Variants in LAMA3 observed in about 807,000 individuals in gnomAD.
LAMA3 encodes the protein laminin subunit alpha 3.
In LAMA3, 281 loss-of-function variants were observed where a neutral mutation model predicts 402.0. The ratio of observed to expected loss-of-function variants is 0.70; its 90% confidence interval spans 0.63 to 0.77. The LOEUF is 0.77. Ranked by LOEUF, LAMA3 falls within the 30% of genes least tolerant of loss-of-function variation. LAMA3 has a pLI of 0.00. For synonymous variants in LAMA3, 1,431 were observed against 1,558.4 expected, an observed-to-expected ratio of 0.92 and a Z score of 1.93; for missense variants, 3,840 against 4,215.5, an observed-to-expected ratio of 0.91 and a Z score of 2.47.
Position 23,810,423 on chromosome 18 carries a change from A to G in LAMA3, c.1661A>G (p.Gln554Arg). 2 of 1,614,146 alleles carry G rather than the reference A, an allele frequency of 1.2e-6. No individual in the cohort carries two copies. Among genetic ancestry groups the G allele is most frequent in the Non-Finnish European group, 1.7e-6 (2 of 1,180,022 alleles). The change falls in exon 13 of 75, where the codon CAG becomes CGG. Residue 554 changes from glutamine to arginine, a missense_variant. By Grantham distance (43) the Gln-to-Arg change is conservative. Coordinates refer to ENST00000313654, the MANE Select transcript of LAMA3 (RefSeq NM_198129.4). ...YQMPCSSVTG[Q>R]CECRPGVTGQ... Reference sequence around the variant, plus strand: ...ATGCCCTGCAGCTCAGTGACTGGACAGTGTGAATGTCGGCCAGGAGTTACA... The same window carrying G: ...ATGCCCTGCAGCTCAGTGACTGGACGGTGTGAATGTCGGCCAGGAGTTACA...
intron 6 of LAMA3, among the ~76,000 whole-genome samples, chr18:23,754,177 T>C (rs2143616748): frequency 6.6e-6 from 1 of 152,358 alleles, no homozygotes; most frequent in South Asian, 2.1e-4. Context: ...CCTTGTTTTT[T>C]AAATTGTGGT....
At chr18:23,707,477 C>T (rs1401472371) in intron 1 of LAMA3, among the ~76,000 whole-genome samples, 1 of 152,162 alleles carries the variant, frequency 6.6e-6, no homozygotes, top group East Asian at 1.9e-4. Flanking sequence ...AGACTAGCCT[C>T]CAGGGCAAAC....
chr18:23,950,249 T>C, intron 72 of LAMA3, 90 bp downstream of exon 72: 1 of 1,448,420 alleles, frequency 6.9e-7, no homozygotes, highest in Non-Finnish European at 9.7e-7. Context: ...TAGTAGAGAA[T>C]GGGATCCAAT....
chr18:23,806,025 G>A (rs1263415013), intron 12 of LAMA3, among the ~76,000 whole-genome samples: 1 of 152,194 alleles, frequency 6.6e-6, no homozygotes, highest in Non-Finnish European at 1.5e-5. Context: ...TACAAAGCAA[G>A]TCAGAATTTG....
At chr18:23,952,813 G>C (rs556729408) in intron 73 of LAMA3, among the ~76,000 whole-genome samples, 177 bp from the exon 74 acceptor site, 2 of 152,302 alleles carry the variant, frequency 1.3e-5, no homozygotes, top group South Asian at 4.1e-4. Context: ...ATTCATGTAC[G>C]TGGAAGCACT....
At position 23,842,626 on chromosome 18, in the gene LAMA3, C is replaced by T. The variant is rs899553322; in HGVS notation, c.3479C>T (p.Ser1160Phe). 4 of 1,614,092 alleles carry T rather than the reference C, an allele frequency of 2.5e-6. No individual in the cohort carries two copies. The highest frequency in any genetic ancestry group is 2.7e-5 in the African/African-American group (2 of 74,940). ...TCTCTGCCAGGCTCCTTCCATGCCTCTTTTTGCCCCCATGTGCTTGGCTGC... is the reference window on the plus strand; with the variant it reads ...TCTCTGCCAGGCTCCTTCCATGCCTTTTTTTGCCCCCATGTGCTTGGCTGC... ...GWPRAGSFHA[S>F]FCPHVLGCRD... Residue 1160 changes from serine (S) to phenylalanine (F), a missense_variant, in exon 29 of 75, where the codon TCT becomes TTT. Coordinates refer to ENST00000313654, the MANE Select transcript of LAMA3 (RefSeq NM_198129.4).
intron 2 of LAMA3, among the ~76,000 whole-genome samples, chr18:23,733,405 T>C (rs2061424864): frequency 1.3e-5 from 2 of 152,182 alleles, no homozygotes; most frequent in South Asian, 4.1e-4. Context: ...ATGTCTTACA[T>C]GGCAGCAGAG....
intron 60 of LAMA3, among the ~76,000 whole-genome samples, chr18:23,917,166 C>G (rs943037154): frequency 3.3e-5 from 5 of 152,172 alleles, no homozygotes; most frequent in South Asian, 2.1e-4. Context: ...TTATGGCCTC[C>G]AGCTTCATCC....
Position 23,842,609 on chromosome 18 carries a change from A to G in LAMA3, c.3464-2A>G, listed in dbSNP as rs768218414. ...CAGAAAGTCTCTCTCTCTCTCTGCCAGGCTCCTTCCATGCCTCTTTTTGCC... is the reference window on the plus strand; with the variant it reads ...CAGAAAGTCTCTCTCTCTCTCTGCCGGGCTCCTTCCATGCCTCTTTTTGCC... On this transcript the variant is annotated splice_acceptor_variant, in intron 28 of 74. Transcript: ENST00000313654. LOFTEE classifies it high-confidence loss of function. 7.4e-6 allele frequency: 12 copies of G among 1,614,186 alleles called. No homozygotes were observed. Among genetic ancestry groups the G allele is most frequent in the Non-Finnish European group, 6.8e-6 (8 of 1,180,046 alleles).
chr18:23,765,293 A>C (rs111551207), intron 8 of LAMA3, among the ~76,000 whole-genome samples: 13 of 152,218 alleles, frequency 8.5e-5, no homozygotes, highest in African/African-American at 2.4e-4. Context: ...AGTCAAGAGC[A>C]GGGAAATCCC....
intron 5 of LAMA3, among the ~76,000 whole-genome samples, chr18:23,752,758 C>A (rs2061775592): frequency 6.6e-6 from 1 of 152,248 alleles, no homozygotes; most frequent in East Asian, 1.9e-4. Context: ...AATTAGGGAA[C>A]CAGAACAGAA....
At chr18:23,791,276 A>G (rs1435315395) in intron 12 of LAMA3, among the ~76,000 whole-genome samples, 1 of 152,254 alleles carries the variant, frequency 6.6e-6, no homozygotes, top group Non-Finnish European at 1.5e-5. Flanking sequence ...TAATCTTTAC[A>G]TAACTCAGAG....
intron 25 of LAMA3, among the ~76,000 whole-genome samples, chr18:23,838,292 C>G (rs190130084): frequency 9.9e-5 from 15 of 152,264 alleles, no homozygotes; most frequent in Non-Finnish European, 2.1e-4. Context: ...GCTCTGGAGA[C>G]AGTTCCTTCA....
intron 42 of LAMA3, among the ~76,000 whole-genome samples, chr18:23,892,388 CT>C (rs577413895): frequency 6.7e-4 from 98 of 146,308 alleles, no homozygotes; most frequent in African/African-American, 1.6e-3. Flanking sequence ...GTTTTTTATT[CT>C]TTTTTTTTTT....
chr18:23,868,015 G>T, intron 37 of LAMA3, 98 bp downstream of exon 37: 1 of 951,702 alleles, frequency 1.1e-6, no homozygotes. Flanking sequence ...TGTAAAATAT[G>T]GATTCTATTT....
At chr18:23,790,757 A>C (rs934138264) in intron 12 of LAMA3, among the ~76,000 whole-genome samples, 1 of 152,216 alleles carries the variant, frequency 6.6e-6, no homozygotes, top group African/African-American at 2.4e-5. Flanking sequence ...GCCAGTATAC[A>C]CTGCATAATT....
intron 2 of LAMA3, among the ~76,000 whole-genome samples, chr18:23,730,837 G>C (rs2061382863): frequency 6.6e-6 from 1 of 152,222 alleles, no homozygotes; most frequent in African/African-American, 2.4e-5. Flanking sequence ...TGAAAAATTT[G>C]TATATTCATA....
At chr18:23,778,169 G>A (rs2143931216) in intron 11 of LAMA3, among the ~76,000 whole-genome samples, 1 of 152,346 alleles carries the variant, frequency 6.6e-6, no homozygotes, top group South Asian at 2.1e-4. Flanking sequence ...GCAGTGGTGT[G>A]CAGTAAGCTG....
At chr18:23,933,247 A>G (rs1198066892) in intron 66 of LAMA3, among the ~76,000 whole-genome samples, 1 of 152,200 alleles carries the variant, frequency 6.6e-6, no homozygotes, top group African/African-American at 2.4e-5. Flanking sequence ...AAAGAACTAT[A>G]GTATCCCGGC....
Sources: gnomAD v4.1 joint callset for allele counts (sites outside exome capture counted in the v4.1 genomes callset) on GRCh38, gnomAD v4.1.1 for gene constraint, MANE v1.5 for transcripts, NCBI Gene and HGNC (gene_info 2026-07-23, HGNC 2026-07-21) for gene names.